IQCH: variants seen among roughly 807,000 people sequenced by gnomAD.
The protein encoded by IQCH is IQ motif containing H.
Under a neutral mutation model 117.0 loss-of-function variants are expected in IQCH, and 98 were observed. That is an observed-to-expected ratio of 0.84 (90% CI 0.71 to 0.99). The LOEUF (loss-of-function observed/expected upper bound fraction) is 0.99, where lower values mean the gene tolerates loss of function less well. Among genes scored for constraint, IQCH ranks in the 50% least tolerant of loss-of-function variants. The pLI, the probability that IQCH is intolerant of heterozygous loss-of-function variation, is 0.00. For missense variants in IQCH, 1,102 were observed against 1,243.8 expected (o/e 0.89, Z 1.72); for synonymous variants, 412 against 448.2 (o/e 0.92, Z 1.02).
At chr15:67,444,341 G>A (rs1395043361) in intron 16 of IQCH, among the ~76,000 whole-genome samples, 2 of 152,176 alleles carry the variant, frequency 1.3e-5, no homozygotes, top group Admixed American at 1.3e-4. Flanking sequence ...ACCACAGCTG[G>A]GAGTGCCATA....
chr15:67,414,875 T>C (rs1457379069), intron 14 of IQCH, among the ~76,000 whole-genome samples: 1 of 152,062 alleles, frequency 6.6e-6, no homozygotes, highest in East Asian at 1.9e-4. Context: ...AAAGGCCATT[T>C]AATCAAGGCA....
In IQCH at chr15:67,372,617, G is replaced by A. The variant is rs1306377594; in HGVS notation, c.1260G>A (p.Lys420=). ...AGACTCGACTAAAGAAGATACTAAAGGAATCACGTCAGAGACACCTGGAGA... is the reference window on the plus strand; with the variant it reads ...AGACTCGACTAAAGAAGATACTAAAAGAATCACGTCAGAGACACCTGGAGA... ...CHKTRLKKIL[K]ESRQRHLENF... Residue 420 remains lysine (K), a synonymous_variant, in exon 9 of 21, where the codon AAG becomes AAA. Coordinates refer to ENST00000335894, the MANE Select transcript of IQCH (RefSeq NM_001031715.3). The A allele has an allele frequency of 3.1e-6, 5 of 1,613,300 alleles. No individual in the cohort carries two copies. The highest frequency in any genetic ancestry group is 3.4e-6 in the Non-Finnish European group (4 of 1,179,680).
chr15:67,315,807 T>C (rs763676499), intron 4 of IQCH, among the ~76,000 whole-genome samples: 9 of 152,198 alleles, frequency 5.9e-5, no homozygotes, highest in Non-Finnish European at 1.2e-4. Flanking sequence ...TGATCATGTA[T>C]CTGTTTTTCT....
chr15:67,255,168 C>T (rs1375322241), intron 1 of IQCH: 1 of 593,548 alleles, frequency 1.7e-6, no homozygotes, highest in African/African-American at 1.9e-5. Context: ...GCAGGACTTT[C>T]TGCCTCTGGG....
intron 1 of IQCH, among the ~76,000 whole-genome samples, chr15:67,259,235 A>G (rs1462534139): frequency 6.6e-6 from 1 of 152,194 alleles, no homozygotes; most frequent in Non-Finnish European, 1.5e-5. Flanking sequence ...TACAGATGAG[A>G]ACACTAAGCC....
At chr15:67,343,735 A>G (rs1305786733) in intron 5 of IQCH, among the ~76,000 whole-genome samples, 1 of 152,218 alleles carries the variant, frequency 6.6e-6, no homozygotes, top group African/African-American at 2.4e-5. Context: ...AAAAAGAGTA[A>G]TAATATTACC....
intron 10 of IQCH, among the ~76,000 whole-genome samples, chr15:67,383,095 T>G (rs1205519970): frequency 9.9e-6 from 1 of 100,878 alleles, no homozygotes; most frequent in African/African-American, 3.9e-5. Context: ...GGTCTGTTGC[T>G]TGTCACAGAG....
chr15:67,487,768 T>C (rs2083531641), intron 18 of IQCH, among the ~76,000 whole-genome samples: 1 of 152,098 alleles, frequency 6.6e-6, no homozygotes, highest in African/African-American at 2.4e-5. Flanking sequence ...AAGTGGGAAG[T>C]TGATGAGTGG....
chr15:67,483,285 T>C lies in IQCH; in HGVS notation c.2800-6718T>C, dbSNP rs186213561. On this transcript the variant is annotated intron_variant, in intron 18 of 20. Coordinates refer to ENST00000335894, the MANE Select transcript of IQCH (RefSeq NM_001031715.3). ...CCTGTAATCCCAACACTTTGGGAGG[T>C]TGAGGTGGATCACTTGAGGCCAGGA... Among the ~76,000 whole-genome samples, 454 of 152,068 alleles carry C rather than the reference T, an allele frequency of 3.0e-3. 3 individuals carry two copies. The highest frequency in any genetic ancestry group is 0.011 in the African/African-American group (436 of 41,496).
At chr15:67,344,240 C>G in intron 6 of IQCH, 49 bp downstream of exon 6, 2 of 1,588,250 alleles carry the variant, frequency 1.3e-6, no homozygotes, top group Non-Finnish European at 1.7e-6. Context: ...CAGAAATTAT[C>G]TCTGCCCCAG....
chr15:67,365,455 A>G lies in IQCH; in HGVS notation c.753+5570A>G, dbSNP rs1970298882. On this transcript the variant is annotated intron_variant, in intron 8 of 20. Coordinates refer to ENST00000335894, the MANE Select transcript of IQCH (RefSeq NM_001031715.3). This position sits in a 1 kb window ranked among gnomAD's most constrained non-coding sequence, Gnocchi z 4.4. ...TCATTCATTCAACTAATCCTTTTTG[A>G]CCTTTACCGTGTGCCAGGCAGTGTA... Among the ~76,000 whole-genome samples the G allele has an allele frequency of 6.6e-6, 1 of 152,054 alleles. No homozygotes were observed. The highest frequency in any genetic ancestry group is 2.1e-4 in the South Asian group (1 of 4,824).
rs994876501 is a variant in IQCH at position 67,465,887 on chromosome 15, C to T, written c.2676+590C>T. 5.3e-5 allele frequency among the ~76,000 whole-genome samples: 8 copies of T among 152,160 alleles called. No homozygotes were observed. The highest frequency in any genetic ancestry group is 1.2e-4 in the African/African-American group (5 of 41,434). ...AAGATAGTGTCTTAGTGTCGGCTTC[C>T]ACCATCTCACACCTGTATTCCTCCT... is the stretch of plus-strand genomic sequence containing the variant. On this transcript the variant is annotated intron_variant, in intron 17 of 20. Transcript: ENST00000335894. This position sits in a 1 kb window ranked among gnomAD's most constrained non-coding sequence, Gnocchi z 5.9.
At chr15:67,380,662 T>G (rs1283480398) in intron 10 of IQCH, among the ~76,000 whole-genome samples, 1 of 152,242 alleles carries the variant, frequency 6.6e-6, no homozygotes, top group East Asian at 1.9e-4. Context: ...TTCTTATGAA[T>G]TGGAGCAATT....
chr15:67,464,065 G>A (rs749338682), intron 16 of IQCH, among the ~76,000 whole-genome samples: 1 of 152,028 alleles, frequency 6.6e-6, no homozygotes, highest in Non-Finnish European at 1.5e-5. Flanking sequence ...CTGGTCTCAG[G>A]TGATCCTCCC....
intron 4 of IQCH, among the ~76,000 whole-genome samples, chr15:67,282,926 C>T (rs1444596431): frequency 6.6e-6 from 1 of 151,948 alleles, no homozygotes; most frequent in Non-Finnish European, 1.5e-5. Flanking sequence ...AAAAAGCATA[C>T]TCAGAAACAT....
chr15:67,420,837 C>T (rs1269893754), intron 15 of IQCH, among the ~76,000 whole-genome samples: 1 of 152,192 alleles, frequency 6.6e-6, no homozygotes, highest in African/African-American at 2.4e-5. Flanking sequence ...TCTCTGCCCA[C>T]AAAAAGCCCA....
Position 67,395,196 on chromosome 15 carries a change from T to G in IQCH, c.1633-95T>G. On this transcript the variant is annotated intron_variant, in intron 12 of 20. Coordinates refer to ENST00000335894, the MANE Select transcript of IQCH (RefSeq NM_001031715.3). The surrounding 1 kb of genome is among the most constrained non-coding windows in gnomAD (Gnocchi z 4.0). The stretch of plus-strand genomic sequence containing the variant: ...GGATAGGTCATAACCCAGCCTGCTA[T>G]TAATAATGTATTTATTATGTGCAAC... 1 of 1,307,414 alleles carries G rather than the reference T, an allele frequency of 7.6e-7. No individual in the cohort carries two copies. 81.0% of individuals were successfully genotyped at this position (1,307,414 alleles called of 1,614,324 possible). A position where few individuals can be genotyped will look rare whatever the true frequency, so the allele number is the denominator to read the frequency against.
intron 16 of IQCH, among the ~76,000 whole-genome samples, chr15:67,429,353 A>G (rs1467680541): frequency 6.6e-6 from 1 of 152,096 alleles, no homozygotes; most frequent in Non-Finnish European, 1.5e-5. Context: ...TGTCTCTACA[A>G]AAAATTTTTT....
Position 67,401,431 on chromosome 15 carries a change from G to A in IQCH, c.2097+1126G>A, listed in dbSNP as rs1423116490. On this transcript the variant is annotated intron_variant, in intron 14 of 20. Coordinates refer to ENST00000335894, the MANE Select transcript of IQCH (RefSeq NM_001031715.3). This position sits in a 1 kb window ranked among gnomAD's most constrained non-coding sequence, Gnocchi z 4.7. The stretch of plus-strand genomic sequence containing the variant: ...CATAACCGATTAGGAAAATCACAAT[G>A]CAAATTCCCTTAACTGGTTCCTTCC... Among the ~76,000 whole-genome samples the A allele has an allele frequency of 2.6e-5, 4 of 152,156 alleles. No individual in the cohort carries two copies. The highest frequency in any genetic ancestry group is 9.7e-5 in the African/African-American group (4 of 41,438).
Sources: gnomAD v4.1 joint callset for allele counts (sites outside exome capture counted in the v4.1 genomes callset) on GRCh38, gnomAD v4.1.1 for gene constraint, Gnocchi (gnomAD v3.1) non-coding constraint, MANE v1.5 for transcripts, NCBI Gene and HGNC (gene_info 2026-07-23, HGNC 2026-07-21) for gene names.